SLCO3A1: variants seen among roughly 807,000 people sequenced by gnomAD.
The protein encoded by SLCO3A1 is solute carrier organic anion transporter family member 3A1.
A neutral mutation model predicts 63.1 loss-of-function variants in SLCO3A1; 27 were observed. The observed-to-expected ratio is 0.43, with a 90% confidence interval of 0.32 to 0.59. The LOEUF (loss-of-function observed/expected upper bound fraction) is 0.59. Ranked by LOEUF, SLCO3A1 falls within the 20% of genes least tolerant of loss-of-function variation. The probability of loss-of-function intolerance (pLI) is 0.09; values close to 1 mark genes in which losing one functional copy is unlikely to be tolerated. For synonymous variants in SLCO3A1, 473 were observed against 409.9 expected, an observed-to-expected ratio of 1.15 and a Z score of -1.86; for missense variants, 773 against 945.8, an observed-to-expected ratio of 0.82 and a Z score of 2.40.
chr15:92,165,275 C>T lies in SLCO3A1; in HGVS notation c.*2140C>T, dbSNP rs1477682602. 2 of 985,280 alleles carry T rather than the reference C, an allele frequency of 2.0e-6. No individual in the cohort carries two copies. The highest frequency in any genetic ancestry group is 1.7e-5 in the African/African-American group (1 of 57,234). 61.0% of individuals were successfully genotyped at this position (985,280 alleles called of 1,614,324 possible). A position where few individuals can be genotyped will look rare whatever the true frequency, so the allele number is the denominator to read the frequency against. ...CCTTGCTTATGAAAATGGGGACACTCATCAGTACGTTAACTACTAAAGGGG... is the reference window on the plus strand; with the variant it reads ...CCTTGCTTATGAAAATGGGGACACTTATCAGTACGTTAACTACTAAAGGGG... On this transcript the variant is annotated 3_prime_UTR_variant, in exon 10 of 10. Transcript: ENST00000318445.
chr15:92,012,053 G>T (rs2046374673), intron 2 of SLCO3A1, among the ~76,000 whole-genome samples: 1 of 152,228 alleles, frequency 6.6e-6, no homozygotes, highest in South Asian at 2.1e-4. Flanking sequence ...GTGGTGCAAA[G>T]ACAGCCCAGA....
chr15:92,020,940 G>C (rs1392687999), intron 2 of SLCO3A1, among the ~76,000 whole-genome samples: 3 of 152,170 alleles, frequency 2.0e-5, no homozygotes, highest in African/African-American at 7.2e-5. Flanking sequence ...AAAATTCCTG[G>C]CTTCATTGTT....
At chr15:92,026,959 G>A (rs771100394) in intron 2 of SLCO3A1, among the ~76,000 whole-genome samples, 4 of 152,110 alleles carry the variant, frequency 2.6e-5, no homozygotes, top group Non-Finnish European at 4.4e-5. Flanking sequence ...GTGTGGTGGT[G>A]CACGCCTGTA....
At chr15:92,010,151 C>T (rs10468146) in intron 2 of SLCO3A1, among the ~76,000 whole-genome samples, 21,391 of 152,202 alleles carry the variant, frequency 0.14, 2,830 homozygotes, top group African/African-American at 0.35. Flanking sequence ...ACACTCAGCA[C>T]AGGACCCTGG....
chr15:91,996,476 G>T (rs2046193448), intron 2 of SLCO3A1, among the ~76,000 whole-genome samples: 1 of 151,976 alleles, frequency 6.6e-6, no homozygotes, highest in Non-Finnish European at 1.5e-5. Context: ...TTTTCATGGG[G>T]GTTGGGGACT....
chr15:91,945,175 C>G (rs1033223083), intron 2 of SLCO3A1, among the ~76,000 whole-genome samples: 3 of 152,040 alleles, frequency 2.0e-5, no homozygotes. Flanking sequence ...AACCCTGTCT[C>G]TACTAAAAAT....
At chr15:92,142,553 C>A (rs2048147891) in intron 7 of SLCO3A1, among the ~76,000 whole-genome samples, 1 of 152,220 alleles carries the variant, frequency 6.6e-6, no homozygotes, top group Non-Finnish European at 1.5e-5. Context: ...AATAGTATCA[C>A]ATTGGTGATT....
chr15:91,895,618 T>A (rs1224319306), intron 1 of SLCO3A1, among the ~76,000 whole-genome samples: 1 of 152,226 alleles, frequency 6.6e-6, no homozygotes, highest in African/African-American at 2.4e-5. Context: ...CAGCCAATAC[T>A]GTTGATTCAT....
At chr15:92,021,290 TC>T (rs544879142) in intron 2 of SLCO3A1, among the ~76,000 whole-genome samples, 80 of 152,324 alleles carry the variant, frequency 5.3e-4, no homozygotes, top group Admixed American at 1.0e-3. Flanking sequence ...AGTTAGCCTC[TC>T]CCATTCTGTA....
intron 1 of SLCO3A1, among the ~76,000 whole-genome samples, chr15:91,887,418 A>T (rs1325366008): frequency 6.6e-6 from 1 of 151,508 alleles, no homozygotes; most frequent in Non-Finnish European, 1.5e-5. Context: ...CCTGCATGAG[A>T]CATTGCGGCC....
chr15:92,109,867 G>A lies in SLCO3A1; in HGVS notation c.1009+5325G>A, dbSNP rs545677510. ...GATCAGGACACCAAGGCTGGCAGGC[G>A]GTTGGGGAGACAGGGAGAGGTGAGT... On this transcript the variant is annotated intron_variant, in intron 4 of 9. Transcript: ENST00000318445. Among the ~76,000 whole-genome samples, 11 of 152,214 alleles carry A rather than the reference G, an allele frequency of 7.2e-5. No homozygotes were observed. The East Asian group carries it at 9.7e-4, about 13-fold the overall frequency.
intron 7 of SLCO3A1, among the ~76,000 whole-genome samples, chr15:92,143,068 TCTCAGGAACA>T (rs1231926976): frequency 9.2e-5 from 14 of 151,574 alleles, no homozygotes. Flanking sequence ...GTATGTAGCC[TCTCAGGAACA>T]CTCAGGAATG....
chr15:91,986,404 C>A (rs1311871305), intron 2 of SLCO3A1, among the ~76,000 whole-genome samples: 1 of 152,222 alleles, frequency 6.6e-6, no homozygotes, highest in South Asian at 2.1e-4. Flanking sequence ...TGCCTGCCTC[C>A]TAGAGCTCAC....
intron 2 of SLCO3A1, among the ~76,000 whole-genome samples, chr15:92,017,439 A>G (rs1363460739): frequency 6.6e-6 from 1 of 152,162 alleles, no homozygotes; most frequent in Non-Finnish European, 1.5e-5. Flanking sequence ...CAAAGAGAAG[A>G]AGCGGTGTGT....
chr15:91,980,487 G>A (rs935530348), intron 2 of SLCO3A1, among the ~76,000 whole-genome samples: 2 of 151,580 alleles, frequency 1.3e-5, no homozygotes, highest in Admixed American at 1.3e-4. Flanking sequence ...GGGAGAAGGG[G>A]GTACTCAGCT....
chr15:92,022,379 A>AG (rs1046195950), intron 2 of SLCO3A1, among the ~76,000 whole-genome samples: 4 of 152,184 alleles, frequency 2.6e-5, no homozygotes, highest in Non-Finnish European at 4.4e-5. Context: ...GTAAGGACCA[A>AG]GGGTAATAGT....
intron 3 of SLCO3A1, among the ~76,000 whole-genome samples, chr15:92,102,912 C>A: frequency 6.6e-6 from 1 of 152,294 alleles, no homozygotes; most frequent in South Asian, 2.1e-4. Context: ...ACCTGGGCAA[C>A]GAACCTAACC....
Position 92,104,638 on chromosome 15 carries a change from G to A in SLCO3A1, c.1009+96G>A. ...TGGCACCCAGGACTGGGGTGCTTGG[G>A]GACTTGGTGGAGGCAGAATAATATT... On this transcript the variant is annotated intron_variant, in intron 4 of 9. Transcript: ENST00000318445. 3.9e-6 allele frequency: 5 copies of A among 1,272,858 alleles called. No homozygotes were observed. In the South Asian group the frequency reaches 7.5e-5, roughly 19 times the overall value. 78.8% of individuals were successfully genotyped at this position (1,272,858 alleles called of 1,614,324 possible).
intron 4 of SLCO3A1, 145 bp from the exon 5 acceptor site, chr15:92,120,320 G>A (rs2047848291): frequency 2.8e-6 from 2 of 726,838 alleles, no homozygotes; most frequent in Non-Finnish European, 4.6e-6. Context: ...TGTAGATTTT[G>A]GCCTTAGCAA....
Sources: gnomAD v4.1 joint callset for allele counts (sites outside exome capture counted in the v4.1 genomes callset) on GRCh38, gnomAD v4.1.1 for gene constraint, MANE v1.5 for transcripts, NCBI Gene and HGNC (gene_info 2026-07-23, HGNC 2026-07-21) for gene names.